The following ABI2 variants were observed in gnomAD, a reference collection of about 807,000 sequenced individuals.
The protein encoded by ABI2 is abelson interactor 2.
ABI2 carries 25 observed loss-of-function variants against 59.2 expected under a neutral mutation model. The observed-to-expected ratio is 0.42, with a 90% CI of 0.31 to 0.59. The LOEUF (loss-of-function observed/expected upper bound fraction) is 0.59. Among genes scored for constraint, ABI2 ranks in the 20% least tolerant of loss-of-function variants. ABI2 has a pLI of 0.14. For missense variants in ABI2, 545 were observed against 681.8 expected, an observed-to-expected ratio of 0.80 and a Z score of 2.23; for synonymous variants, 213 against 235.5, an observed-to-expected ratio of 0.90 and a Z score of 0.87.
At chr2:203,426,919 A>G (rs996016131) in intron 11 of ABI2, among the ~76,000 whole-genome samples, 6 of 151,972 alleles carry the variant, frequency 3.9e-5, no homozygotes, top group African/African-American at 1.4e-4. Flanking sequence ...AAAGGTCATC[A>G]AAAGCACATT....
chr2:203,352,075 A>G (rs1450296085), intron 1 of ABI2, among the ~76,000 whole-genome samples: 1 of 152,214 alleles, frequency 6.6e-6, no homozygotes, highest in Non-Finnish European at 1.5e-5. Context: ...AAGGCAGAAG[A>G]CACACACATC....
At chr2:203,407,691 T>C (rs937123083) in intron 9 of ABI2, among the ~76,000 whole-genome samples, 1 of 152,186 alleles carries the variant, frequency 6.6e-6, no homozygotes, top group Non-Finnish European at 1.5e-5. Flanking sequence ...CAATCTAAGT[T>C]TGGAGATCTT....
chr2:203,386,987 T>C (rs1324575209), intron 4 of ABI2, among the ~76,000 whole-genome samples: 2 of 151,704 alleles, frequency 1.3e-5, no homozygotes, highest in African/African-American at 2.4e-5. Flanking sequence ...TATTTCAGAA[T>C]ACCTTTAAAG....
chr2:203,373,523 G>C (rs1005528068), intron 2 of ABI2, among the ~76,000 whole-genome samples: 1 of 151,924 alleles, frequency 6.6e-6, no homozygotes, highest in Non-Finnish European at 1.5e-5. Flanking sequence ...GAGGGAGAGG[G>C]AGACTAAACT....
intron 6 of ABI2, among the ~76,000 whole-genome samples, chr2:203,395,448 T>TACACACACACACACAC (rs59156204): frequency 2.6e-5 from 3 of 115,328 alleles, no homozygotes; most frequent in African/African-American, 6.0e-5. Flanking sequence ...TATATATATA[T>TACACACACACACACAC]ACACACACAC....
intron 9 of ABI2, among the ~76,000 whole-genome samples, chr2:203,404,700 A>G (rs113004687): frequency 0.019 from 2,821 of 152,228 alleles, 38 homozygotes; most frequent in Non-Finnish European, 0.026. Context: ...CAGGGATTAC[A>G]GGCACCTGCC....
intron 6 of ABI2, among the ~76,000 whole-genome samples, 171 bp from the exon 7 acceptor site, chr2:203,395,485 A>AC (rs1553589685): frequency 3.4e-5 from 5 of 146,094 alleles, no homozygotes; most frequent in African/African-American, 1.3e-4. Flanking sequence ...ACACACACAC[A>AC]TTTTTTTTTA....
chr2:203,378,329 T>C (rs566231463), intron 2 of ABI2, among the ~76,000 whole-genome samples: 8 of 152,322 alleles, frequency 5.3e-5, no homozygotes, highest in Middle Eastern at 3.4e-3. Flanking sequence ...GCCAGGATGG[T>C]CTCGATCTCC....
At chr2:203,342,279 A>G (rs1469895720) in intron 1 of ABI2, 2 of 442,858 alleles carry the variant, frequency 4.5e-6, no homozygotes, top group Non-Finnish European at 4.5e-6. Context: ...TTTGATTTCT[A>G]TGAAGAATCT....
intron 2 of ABI2, among the ~76,000 whole-genome samples, chr2:203,377,401 T>C (rs143287894): frequency 8.7e-4 from 132 of 152,282 alleles, no homozygotes; most frequent in African/African-American, 3.1e-3. Flanking sequence ...TACACTCTTA[T>C]AGTTTCATTT....
intron 2 of ABI2, among the ~76,000 whole-genome samples, chr2:203,369,419 T>C (rs2094891898): frequency 6.6e-6 from 1 of 152,146 alleles, no homozygotes; most frequent in South Asian, 2.1e-4. Context: ...ATAATTTATT[T>C]TCTGTTTAGA....
At chr2:203,416,840 A>G (rs1447836062) in intron 10 of ABI2, 68 bp from the exon 11 acceptor site, 1 of 1,446,170 alleles carries the variant, frequency 6.9e-7, no homozygotes, top group East Asian at 2.4e-5. Context: ...ATGAACCCAG[A>G]AGCTTGGATA....
At chr2:203,342,704 T>C (rs62183942) in intron 1 of ABI2, among the ~76,000 whole-genome samples, 18,238 of 151,858 alleles carry the variant, frequency 0.12, 1,452 homozygotes, top group Non-Finnish European at 0.19. Flanking sequence ...CTCAGCCTCC[T>C]TAGTACTACT....
rs2098480304 is a variant in ABI2 at position 203,431,147 on chromosome 2, T to C, written c.*3795T>C. The C allele has an allele frequency of 6.6e-6, 1 of 152,290 alleles. No individual in the cohort carries two copies. The highest frequency in any genetic ancestry group is 1.5e-5 in the Non-Finnish European group (1 of 68,024). 9.4% of individuals were successfully genotyped at this position (152,290 alleles called of 1,614,324 possible). On this transcript the variant is annotated 3_prime_UTR_variant, in exon 12 of 12. Transcript: ENST00000261018. The stretch of plus-strand genomic sequence containing the variant: ...CTCCTGATTGGTGTTAAGGTGGTAA[T>C]TTCCCCCATATAAGATTTAGAATCA...
At chr2:203,387,191 A>G (rs2096564363) in intron 4 of ABI2, among the ~76,000 whole-genome samples, 1 of 151,418 alleles carries the variant, frequency 6.6e-6, no homozygotes, top group Non-Finnish European at 1.5e-5. Context: ...GTAGTAGGTC[A>G]TCTGTTAATG....
At chr2:203,353,873 A>G (rs1158261284) in intron 1 of ABI2, among the ~76,000 whole-genome samples, 1 of 152,002 alleles carries the variant, frequency 6.6e-6, no homozygotes, top group Admixed American at 6.6e-5. Context: ...CCATATTGCT[A>G]TTTTTTGAGA....
intron 4 of ABI2, among the ~76,000 whole-genome samples, chr2:203,388,113 A>C (rs2096602825): frequency 6.6e-6 from 1 of 152,084 alleles, no homozygotes; most frequent in African/African-American, 2.4e-5. Context: ...CCTTTTCTTC[A>C]AATTTGATGG....
intron 3 of ABI2, 48 bp downstream of exon 3, chr2:203,380,432 A>T: frequency 8.1e-7 from 1 of 1,236,370 alleles, no homozygotes; most frequent in Non-Finnish European, 1.1e-6. Context: ...CCCATAATGA[A>T]ACCAACTCTT....
chr2:203,421,923 G>A (rs1021608610), intron 11 of ABI2, among the ~76,000 whole-genome samples: 19 of 140,884 alleles, frequency 1.3e-4, no homozygotes, highest in African/African-American at 3.3e-4. Flanking sequence ...AAGATCACTC[G>A]CCACCGCACT....
Sources: gnomAD v4.1 joint callset for allele counts (sites outside exome capture counted in the v4.1 genomes callset) on GRCh38, gnomAD v4.1.1 for gene constraint, MANE v1.5 for transcripts, NCBI Gene and HGNC (gene_info 2026-07-23, HGNC 2026-07-21) for gene names.